The following CACNA1H variants were observed in gnomAD, a reference collection of about 807,000 sequenced individuals.
CACNA1H encodes the protein voltage-dependent T-type calcium channel subunit alpha-1H.
Under a neutral mutation model 192.5 loss-of-function variants are expected in CACNA1H, and 149 were observed. The observed-to-expected ratio is 0.77, with a 90% CI of 0.68 to 0.89. The LOEUF (loss-of-function observed/expected upper bound fraction) is 0.89, where lower values mean the gene tolerates loss of function less well. Ranked by LOEUF, CACNA1H falls within the 40% of genes least tolerant of loss-of-function variation. The probability of loss-of-function intolerance (pLI) is 0.00; values close to 1 mark genes in which losing one functional copy is unlikely to be tolerated. For synonymous variants in CACNA1H, 2,202 were observed against 1,475.2 expected (o/e 1.49, Z -11.29); for missense variants, 4,257 against 3,423.5 (o/e 1.24, Z -6.08).
intron 18 of CACNA1H, 21 bp from the exon 19 acceptor site, chr16:1,210,349 C>CAAAA: frequency 2.0e-6 from 1 of 501,588 alleles, no homozygotes; most frequent in Non-Finnish European, 3.6e-6. Flanking sequence ...CCCCACCTCT[C>CAAAA]ACCCGCCCCC....
rs1355615330 is a variant in CACNA1H, at chr16:1,202,088, C to T, written c.1638C>T (p.Cys546=). ...PRRPGPEPGA[C]DTRLVRAGAP... ...GGCCCGGCCCCGAGCCAGGCGCCTG[C>T]GACACCAGGCTGGTCCGAGCTGGCG... Residue 546 remains cysteine, a synonymous_variant, in exon 9 of 35, where the codon TGC becomes TGT. Coordinates refer to ENST00000348261, the MANE Select transcript of CACNA1H (RefSeq NM_021098.3). 121 of 1,542,674 alleles carry T rather than the reference C, an allele frequency of 7.8e-5. No homozygotes were observed. The highest frequency in any genetic ancestry group is 9.8e-5 in the Non-Finnish European group (112 of 1,145,072).
rs530400677 is a variant in CACNA1H, at chr16:1,205,905, C to T, written c.2604-199C>T. 2.2e-3 allele frequency among the ~76,000 whole-genome samples: 331 copies of T among 152,330 alleles called. 3 individuals are homozygous for T. The highest frequency in any genetic ancestry group is 7.6e-3 in the African/African-American group (316 of 41,572). ...GGGGCACTGGGGGCCGGGTAGCCCCCGGGGCCATCAGCGGATAAGCGGCTT... is the reference window on the plus strand; with the variant it reads ...GGGGCACTGGGGGCCGGGTAGCCCCTGGGGCCATCAGCGGATAAGCGGCTT... On this transcript the variant is annotated intron_variant, in intron 11 of 34. Transcript: ENST00000348261.
At chr16:1,153,576 C>A (rs1348923287) in intron 1 of CACNA1H, 106 bp downstream of exon 1, 3 of 255,536 alleles carry the variant, frequency 1.2e-5, no homozygotes, top group Non-Finnish European at 1.6e-5. Context: ...AGGGAGGGGG[C>A]GGGCGGGGGC....
rs370039255 is a variant in CACNA1H at position 1,209,223 on chromosome 16, G to A, written c.3555G>A (p.Ala1185=). ...TDDEAEDGRA[A]PGPRATPLRR... ...ACGAAGCTGAGGACGGCAGGGCCGCGCCCGGGCCCCGTGCCACCCCACTGC... is the reference window on the plus strand; with the variant it reads ...ACGAAGCTGAGGACGGCAGGGCCGCACCCGGGCCCCGTGCCACCCCACTGC... The change falls in exon 17 of 35, where the codon GCG becomes GCA. Residue 1185 remains alanine, a synonymous_variant. Coordinates refer to ENST00000348261, the MANE Select transcript of CACNA1H (RefSeq NM_021098.3). 1.1e-3 allele frequency: 1,762 copies of A among 1,545,024 alleles called. 1 individual carries two copies. Among genetic ancestry groups the A allele is most frequent in the Admixed American group, 1.4e-3 (72 of 51,038 alleles).
intron 2 of CACNA1H, among the ~76,000 whole-genome samples, chr16:1,155,711 AG>A (rs1962267726): frequency 6.6e-6 from 1 of 151,568 alleles, no homozygotes; most frequent in Admixed American, 6.6e-5. Context: ...CGGCTGAGAG[AG>A]TTTTGGAGCC....
chr16:1,213,791 C>T lies in CACNA1H; in HGVS notation c.4789C>T (p.Arg1597Trp), dbSNP rs747598216. 8.3e-6 allele frequency: 13 copies of T among 1,562,004 alleles called. No individual in the cohort carries two copies. The highest frequency in any genetic ancestry group is 5.7e-5 in the Admixed American group (3 of 52,278). Residue 1597 changes from arginine to tryptophan, a missense_variant, in exon 27 of 35, where the codon CGG (arginine) becomes TGG (tryptophan). Transcript: ENST00000348261. ...CGCCCTCCCCGCAGAGGCCCAGCGC[C>T]GGCCCTACTATGCCGACTACTCGCC... ...STFPSPEAQRRPYYADYSPTR... is the reference protein window; with the variant it reads ...STFPSPEAQRWPYYADYSPTR...
intron 1 of CACNA1H, 77 bp from the exon 2 acceptor site, chr16:1,153,643 G>C: frequency 4.1e-6 from 4 of 964,914 alleles, no homozygotes; most frequent in Non-Finnish European, 5.2e-6. Flanking sequence ...GGCCGCGGCT[G>C]TTCCCGCAGC....
intron 5 of CACNA1H, among the ~76,000 whole-genome samples, chr16:1,197,169 C>G (rs1168986712): frequency 1.3e-5 from 2 of 152,230 alleles, no homozygotes; most frequent in Non-Finnish European, 2.9e-5. Context: ...CTGTGTGGCT[C>G]AGATAGGGCT....
rs961086070 is a variant in CACNA1H at position 1,192,803 on chromosome 16, G to A, written c.300-2169G>A. Among the ~76,000 whole-genome samples the A allele has an allele frequency of 2.6e-5, 4 of 152,340 alleles. No homozygotes were observed. The East Asian group carries it at 5.8e-4, about 22-fold the overall frequency. On this transcript the variant is annotated intron_variant, in intron 2 of 34. Coordinates refer to ENST00000348261, the MANE Select transcript of CACNA1H (RefSeq NM_021098.3). ...GCAATGGCTGGAGACATCTGGAGGC[G>A]GGTCTCAGCCCTCAGTCCTGGAGTC...
chr16:1,203,123 G>T (rs1276789281), intron 9 of CACNA1H, among the ~76,000 whole-genome samples: 6 of 152,160 alleles, frequency 3.9e-5, no homozygotes, highest in African/African-American at 7.2e-5. Flanking sequence ...AGGGTGCCGG[G>T]ATGCTGTGTG....
At chr16:1,214,003 C>T in intron 27 of CACNA1H, 72 bp downstream of exon 27, 1 of 1,331,426 alleles carries the variant, frequency 7.5e-7, no homozygotes, top group Non-Finnish European at 1.1e-6. Flanking sequence ...ACAGTGGGCA[C>T]AACCCTGGAC....
At position 1,201,022 on chromosome 16, in the gene CACNA1H, G is replaced by T. The variant is rs76080700; in HGVS notation, c.1212+214G>T. Among the ~76,000 whole-genome samples, 120 of 152,266 alleles carry T rather than the reference G, an allele frequency of 7.9e-4. 1 individual carries two copies. The East Asian group carries it at 0.022, about 28-fold the overall frequency. On this transcript the variant is annotated intron_variant, in intron 8 of 34. Transcript: ENST00000348261. ...CTAGACAGGGTCCAGGCCTGTGGGT[G>T]CTGGCTCAGGGCTGAAGAGCCAGGA...
chr16:1,156,148 C>T (rs902885637), intron 2 of CACNA1H, among the ~76,000 whole-genome samples: 1 of 152,188 alleles, frequency 6.6e-6, no homozygotes, highest in Non-Finnish European at 1.5e-5. Flanking sequence ...GCAGGACCCC[C>T]CACCCTCCTC....
chr16:1,219,029 T>C lies in CACNA1H; in HGVS notation c.5947T>C (p.Leu1983=), dbSNP rs2738893. Residue 1983 remains leucine, a synonymous_variant, in exon 34 of 35, where the codon TTG becomes CTG. Transcript: ENST00000348261. The part of the protein sequence containing the change: ...AESCASLQIP[L]AVSSPARSGE... ...GTCCTGTGCCTCCCTCCAGATCCCA[T>C]TGGCTGTGTCGTCCCCAGCCAGGAG... The C allele has an allele frequency of 0.61, 942,488 of 1,549,694 alleles. 290,331 individuals are homozygous for C. Among genetic ancestry groups the C allele is most frequent in the East Asian group, 0.9 (36,720 of 40,884 alleles).
At chr16:1,162,642 G>GGC (rs910372008) in intron 2 of CACNA1H, among the ~76,000 whole-genome samples, 3 of 150,354 alleles carry the variant, frequency 2.0e-5, no homozygotes, top group African/African-American at 4.9e-5. Context: ...CCTGGAGTGG[G>GGC]GGGGGGGGGT....
At chr16:1,158,318 G>C (rs1400868879) in intron 2 of CACNA1H, among the ~76,000 whole-genome samples, 1 of 152,158 alleles carries the variant, frequency 6.6e-6, no homozygotes, top group African/African-American at 2.4e-5. Flanking sequence ...GAGCCGTGGG[G>C]GCAGCTCATC....
rs749704676 is a variant in CACNA1H, at chr16:1,202,209, G to C, written c.1759G>C (p.Glu587Gln). 1.3e-6 allele frequency: 2 copies of C among 1,553,480 alleles called. No homozygotes were observed. Among genetic ancestry groups the C allele is most frequent in the East Asian group, 4.9e-5 (2 of 41,018 alleles). The change falls in exon 9 of 35, where the codon GAG becomes CAG. Residue 587 changes from glutamate to glutamine, a missense_variant. Coordinates refer to ENST00000348261, the MANE Select transcript of CACNA1H (RefSeq NM_021098.3). Reference sequence around the variant, plus strand: ...CGACTGCCACATAGAGGGGCCGCAGGAGAGGGCCCGGGTGGCACATGCCGC... The same window carrying C: ...CGACTGCCACATAGAGGGGCCGCAGCAGAGGGCCCGGGTGGCACATGCCGC... ...HADCHIEGPQERARVAHAAAT... is the reference protein window; with the variant it reads ...HADCHIEGPQQRARVAHAAAT...
chr16:1,154,325 G>C (rs1052288263), intron 2 of CACNA1H, among the ~76,000 whole-genome samples: 4 of 152,252 alleles, frequency 2.6e-5, no homozygotes, highest in African/African-American at 9.6e-5. Context: ...GGAGGGGAGA[G>C]GAGTCGGGGA....
intron 2 of CACNA1H, among the ~76,000 whole-genome samples, chr16:1,155,192 C>G (rs796350146): frequency 6.6e-5 from 10 of 152,358 alleles, no homozygotes; most frequent in African/African-American, 2.2e-4. Flanking sequence ...GAGTCAGACT[C>G]ATCTCTGCTT....
Sources: allele counts gnomAD v4.1 joint callset (sites outside exome capture counted in the v4.1 genomes callset), GRCh38; gene constraint gnomAD v4.1.1; transcripts MANE v1.5; gene names NCBI Gene and HGNC (gene_info 2026-07-23, HGNC 2026-07-21).